RHOT1: variants seen among roughly 807,000 people sequenced by gnomAD.
RHOT1 encodes ras homolog family member T1.
In RHOT1, 27 loss-of-function variants were observed where a neutral mutation model predicts 95.3. The ratio of observed to expected loss-of-function variants is 0.28; its 90% CI spans 0.21 to 0.39. The LOEUF is 0.39. Ranked by LOEUF, RHOT1 falls within the 10% of genes least tolerant of loss-of-function variation. The probability of loss-of-function intolerance (pLI) is 1.00; values close to 1 mark genes in which losing one functional copy is unlikely to be tolerated. For synonymous variants in RHOT1, 227 were observed against 263.5 expected, an observed-to-expected ratio of 0.86 and a Z score of 1.34; for missense variants, 578 against 786.7, an observed-to-expected ratio of 0.73 and a Z score of 3.17.
At chr17:32,224,351 TGA>T (rs1491158607) in intron 19 of RHOT1, among the ~76,000 whole-genome samples, 2 of 152,200 alleles carry the variant, frequency 1.3e-5, no homozygotes, top group African/African-American at 4.8e-5. Flanking sequence ...ATTTCCTGTG[TGA>T]AAAAAAGTTT....
chr17:32,217,558 C>T (rs1316695625), intron 19 of RHOT1, among the ~76,000 whole-genome samples: 1 of 151,838 alleles, frequency 6.6e-6, no homozygotes, highest in African/African-American at 2.4e-5. Flanking sequence ...AGATTGAGAC[C>T]ATCCTGGCCA....
At position 32,171,025 on chromosome 17, in the gene RHOT1, C is replaced by T. The variant is rs995305381; in HGVS notation, c.38-18C>T. Reference sequence around the variant, plus strand: ...AGAACCTAACACTTTATTAAAGTAACGATTTTTCTTTTCACAGCTAGAGTT... The same window carrying T: ...AGAACCTAACACTTTATTAAAGTAATGATTTTTCTTTTCACAGCTAGAGTT... On this transcript the variant is annotated intron_variant, in intron 1 of 19. Transcript: ENST00000545287. The T allele has an allele frequency of 4.0e-5, 64 of 1,586,104 alleles. No homozygotes were observed. Among genetic ancestry groups the T allele is most frequent in the Non-Finnish European group, 5.4e-5 (63 of 1,162,198 alleles).
At chr17:32,222,502 A>G (rs865999852) in intron 19 of RHOT1, among the ~76,000 whole-genome samples, 6 of 152,182 alleles carry the variant, frequency 3.9e-5, no homozygotes, top group Non-Finnish European at 7.3e-5. Flanking sequence ...GAGAATGTAT[A>G]TAACAGCTTT....
chr17:32,213,800 GT>G (rs1567728509), intron 19 of RHOT1, among the ~76,000 whole-genome samples: 1 of 152,122 alleles, frequency 6.6e-6, no homozygotes, highest in Non-Finnish European at 1.5e-5. Context: ...TCCTAGATTG[GT>G]TTAGTTAGCT....
At chr17:32,186,124 C>T (rs1345259833) in intron 8 of RHOT1, among the ~76,000 whole-genome samples, 4 of 152,184 alleles carry the variant, frequency 2.6e-5, no homozygotes, top group Non-Finnish European at 4.4e-5. Flanking sequence ...TACACAATGA[C>T]TGGACCATTT....
intron 19 of RHOT1, among the ~76,000 whole-genome samples, chr17:32,216,677 G>T (rs1031662859): frequency 5.3e-5 from 8 of 152,014 alleles, no homozygotes; most frequent in Non-Finnish European, 1.2e-4. Flanking sequence ...CTTCCTTTAT[G>T]TAGTTTGAAT....
At chr17:32,196,386 C>G (rs1373996707) in intron 11 of RHOT1, among the ~76,000 whole-genome samples, 1 of 152,050 alleles carries the variant, frequency 6.6e-6, no homozygotes, top group Non-Finnish European at 1.5e-5. Context: ...GAGATGAGGT[C>G]TCCCTTTGTT....
intron 1 of RHOT1, among the ~76,000 whole-genome samples, chr17:32,147,703 C>T (rs1041432705): frequency 1.3e-5 from 2 of 151,836 alleles, no homozygotes; most frequent in Non-Finnish European, 2.9e-5. Context: ...GACTGTAATC[C>T]CAGCTACTCA....
chr17:32,170,497 AAC>A (rs1421000700), intron 1 of RHOT1, among the ~76,000 whole-genome samples: 2 of 150,946 alleles, frequency 1.3e-5, no homozygotes, highest in Non-Finnish European at 2.9e-5. Flanking sequence ...AAATACATGT[AAC>A]AATTATTTTA....
intron 6 of RHOT1, chr17:32,180,212 G>A (rs1305737414): frequency 6.5e-6 from 1 of 154,316 alleles, no homozygotes; most frequent in Admixed American, 6.5e-5. Flanking sequence ...TTGTCGAAAA[G>A]AAAAGGGGGA....
At chr17:32,164,104 A>C (rs1319487994) in intron 1 of RHOT1, among the ~76,000 whole-genome samples, 1 of 152,206 alleles carries the variant, frequency 6.6e-6, no homozygotes, top group East Asian at 1.9e-4. Flanking sequence ...GCAGTGAACC[A>C]AGATCGCGCC....
Position 32,165,544 on chromosome 17 carries a change from T to C in RHOT1, c.38-5499T>C, listed in dbSNP as rs552167236. ...TCTCAAAAAAAAAAAAAGTTACTGA[T>C]CTTTTCTAGTTAAAAAATTTTTGTG... On this transcript the variant is annotated intron_variant, in intron 1 of 19. Coordinates refer to ENST00000545287, the MANE Select transcript of RHOT1 (RefSeq NM_001033566.3). Among the ~76,000 whole-genome samples the C allele has an allele frequency of 3.9e-5, 6 of 151,958 alleles. No homozygotes were observed. In the East Asian group the frequency reaches 1.2e-3, roughly 29 times the overall value.
intron 1 of RHOT1, among the ~76,000 whole-genome samples, chr17:32,149,611 A>G (rs1165913955): frequency 0.021 from 1,819 of 85,772 alleles, 102 homozygotes; most frequent in African/African-American, 0.13. Context: ...ATATATATAT[A>G]TATATATATA....
At position 32,166,264 on chromosome 17, in the gene RHOT1, C is replaced by A. The variant is rs7218757; in HGVS notation, c.38-4779C>A. 6.3e-3 allele frequency among the ~76,000 whole-genome samples: 953 copies of A among 151,128 alleles called. 13 individuals carry two copies. Among genetic ancestry groups the A allele is most frequent in the African/African-American group, 0.021 (864 of 41,094 alleles). On this transcript the variant is annotated intron_variant, in intron 1 of 19. Transcript: ENST00000545287. The stretch of plus-strand genomic sequence containing the variant: ...TGTAATGTAATATCTAAAAAATGTA[C>A]ATACCTTAATTTAAAAATACTTTAT...
At chr17:32,150,063 T>C (rs559362537) in intron 1 of RHOT1, among the ~76,000 whole-genome samples, 1 of 152,276 alleles carries the variant, frequency 6.6e-6, no homozygotes, top group Non-Finnish European at 1.5e-5. Flanking sequence ...AATATTAATT[T>C]TTTAAAAATA....
chr17:32,155,685 G>T (rs1441325864), intron 1 of RHOT1, among the ~76,000 whole-genome samples: 1 of 151,410 alleles, frequency 6.6e-6, no homozygotes, highest in African/African-American at 2.4e-5. Context: ...TGAGACTATG[G>T]GTGTGTGCCA....
chr17:32,146,934 G>A (rs1046564896), intron 1 of RHOT1, among the ~76,000 whole-genome samples: 1 of 142,438 alleles, frequency 7.0e-6, no homozygotes, highest in African/African-American at 2.6e-5. Flanking sequence ...TTAGTAGAGA[G>A]GGTTTCACTG....
At chr17:32,171,808 C>G (rs1278603717) in intron 2 of RHOT1, among the ~76,000 whole-genome samples, 1 of 152,156 alleles carries the variant, frequency 6.6e-6, no homozygotes, top group African/African-American at 2.4e-5. Context: ...CTTCATTTTA[C>G]AAATGTTGAA....
intron 6 of RHOT1, among the ~76,000 whole-genome samples, chr17:32,177,314 A>C (rs1358828785): frequency 6.6e-6 from 1 of 152,230 alleles, no homozygotes; most frequent in African/African-American, 2.4e-5. Flanking sequence ...TAATGCTTAC[A>C]GTAATGGAGA....
Sources: gnomAD v4.1 joint callset for allele counts (sites outside exome capture counted in the v4.1 genomes callset) on GRCh38, gnomAD v4.1.1 for gene constraint, MANE v1.5 for transcripts, NCBI Gene and HGNC (gene_info 2026-07-23, HGNC 2026-07-21) for gene names.